Variants in SPATA13 observed in about 807,000 individuals in gnomAD.
SPATA13 encodes the protein spermatogenesis associated 13, also known as spermatogenesis-associated protein 13.
Under a neutral mutation model 104.0 loss-of-function variants are expected in SPATA13, and 50 were observed. The observed-to-expected ratio is 0.48, with a 90% CI of 0.38 to 0.61. The LOEUF is 0.61. Ranked by LOEUF, SPATA13 falls within the 20% of genes least tolerant of loss-of-function variation. SPATA13 has a pLI of 0.00. For missense variants in SPATA13, 1,524 were observed against 1,690.6 expected, an observed-to-expected ratio of 0.90 and a Z score of 1.73; for synonymous variants, 606 against 667.5, an observed-to-expected ratio of 0.91 and a Z score of 1.42.
At chr13:24,265,624 T>C (rs1173508337) in intron 4 of SPATA13, among the ~76,000 whole-genome samples, 2 of 152,126 alleles carry the variant, frequency 1.3e-5, no homozygotes, top group African/African-American at 4.8e-5. Context: ...GAGTTGGGAT[T>C]ATGGGTCATT....
At chr13:24,123,016 C>G (rs1881090030) in intron 3 of SPATA13, 3 of 897,414 alleles carry the variant, frequency 3.3e-6, no homozygotes, top group Non-Finnish European at 5.7e-6. Flanking sequence ...TCATCTGGCC[C>G]CATCTGGATT....
At chr13:24,075,265 C>T (rs921976053) in intron 3 of SPATA13, among the ~76,000 whole-genome samples, 1 of 152,144 alleles carries the variant, frequency 6.6e-6, no homozygotes, top group Non-Finnish European at 1.5e-5. Context: ...ACTAAAATAT[C>T]AGTTCTATGA....
chr13:24,212,673 T>TA (rs1239747348), intron 1 of SPATA13, among the ~76,000 whole-genome samples: 2 of 152,186 alleles, frequency 1.3e-5, no homozygotes, highest in African/African-American at 2.4e-5. Flanking sequence ...CATTGATTTT[T>TA]AAATTAAGTT....
chr13:24,066,525 C>T (rs1177472943), intron 3 of SPATA13, among the ~76,000 whole-genome samples: 1 of 152,168 alleles, frequency 6.6e-6, no homozygotes, highest in Non-Finnish European at 1.5e-5. Flanking sequence ...CACCCTGGGA[C>T]AAACCTGTCT....
intron 1 of SPATA13, among the ~76,000 whole-genome samples, chr13:24,200,077 A>G (rs903278434): frequency 2.6e-5 from 4 of 152,202 alleles, no homozygotes; most frequent in Admixed American, 6.5e-5. Context: ...TCAACAAATG[A>G]GAGCTATTAT....
intron 4 of SPATA13, among the ~76,000 whole-genome samples, chr13:24,256,728 G>A (rs1229648198): frequency 2.6e-5 from 4 of 152,224 alleles, no homozygotes; most frequent in Non-Finnish European, 1.5e-5. Flanking sequence ...CACAGCCTGC[G>A]AAGGCAGGTC....
At position 23,998,812 on chromosome 13, in the gene SPATA13, A is replaced by G. The variant is rs1875813393; in HGVS notation, c.-147+14879A>G. Among the ~76,000 whole-genome samples the G allele has an allele frequency of 1.3e-5, 2 of 152,206 alleles. 1 individual carries two copies. The highest frequency in any genetic ancestry group is 4.1e-4 in the South Asian group (2 of 4,834). The stretch of plus-strand genomic sequence containing the variant: ...CACATGAACATCCATCTGTTCCAGC[A>G]TCATTTGGTGAAAAAATGATTCTTG... On this transcript the variant is annotated intron_variant, in intron 2 of 14. Transcript: ENST00000424834.
intron 3 of SPATA13, among the ~76,000 whole-genome samples, chr13:24,139,960 C>T (rs545537291): frequency 3.3e-5 from 5 of 151,126 alleles, no homozygotes; most frequent in South Asian, 4.2e-4. Flanking sequence ...CCCAGCTACT[C>T]GGGAGGCTGA....
intron 3 of SPATA13, among the ~76,000 whole-genome samples, chr13:24,152,051 C>T (rs1195741604): frequency 2.0e-5 from 3 of 152,184 alleles, no homozygotes; most frequent in South Asian, 4.1e-4. Context: ...GAGTGTGATA[C>T]GTGAACACAC....
chr13:24,126,241 C>T (rs1046734394), intron 3 of SPATA13, among the ~76,000 whole-genome samples: 2 of 152,126 alleles, frequency 1.3e-5, no homozygotes, highest in Non-Finnish European at 2.9e-5. Context: ...CGGCTGTGAC[C>T]CATGATTGAG....
At chr13:24,108,204 C>T (rs1218341105) in intron 3 of SPATA13, among the ~76,000 whole-genome samples, 1 of 152,228 alleles carries the variant, frequency 6.6e-6, no homozygotes, top group African/African-American at 2.4e-5. Flanking sequence ...GCTCCACCCT[C>T]GTGATTTAAT....
intron 3 of SPATA13, among the ~76,000 whole-genome samples, chr13:24,095,508 A>G (rs1880044174): frequency 6.6e-6 from 1 of 152,236 alleles, no homozygotes; most frequent in Admixed American, 6.5e-5. Context: ...TGCTGGTTAC[A>G]TGAAAGTGGG....
intron 3 of SPATA13, among the ~76,000 whole-genome samples, chr13:24,110,820 A>G (rs1243914024): frequency 6.6e-6 from 1 of 152,240 alleles, no homozygotes; most frequent in Non-Finnish European, 1.5e-5. Context: ...CCAACTTGAG[A>G]TAAGGAAGTT....
At chr13:24,258,175 CA>C (rs1207147692) in intron 4 of SPATA13, among the ~76,000 whole-genome samples, 1 of 151,066 alleles carries the variant, frequency 6.6e-6, no homozygotes, top group Admixed American at 6.6e-5. Context: ...ATAGAGGTTG[CA>C]GTGAGCCTAC....
chr13:24,248,107 G>T, intron 2 of SPATA13, among the ~76,000 whole-genome samples: 1 of 152,314 alleles, frequency 6.6e-6, no homozygotes, highest in East Asian at 1.9e-4. Context: ...ATGCAGGCAG[G>T]GCTTACAGGC....
chr13:24,120,790 G>C (rs1881008249), intron 3 of SPATA13, among the ~76,000 whole-genome samples: 1 of 152,218 alleles, frequency 6.6e-6, no homozygotes, highest in African/African-American at 2.4e-5. Context: ...GCTGCCAGGT[G>C]TTTTCATTGC....
intron 4 of SPATA13, among the ~76,000 whole-genome samples, chr13:24,269,741 ATTTTTTTT>A (rs71070673): frequency 1.3e-5 from 1 of 75,912 alleles, no homozygotes; most frequent in African/African-American, 5.8e-5. Flanking sequence ...GCTAATATAA[ATTTTTTTT>A]TTTTTTTTTT....
chr13:24,007,302 G>C (rs973926967), intron 2 of SPATA13, among the ~76,000 whole-genome samples: 1 of 152,206 alleles, frequency 6.6e-6, no homozygotes. Flanking sequence ...TTGCATCTTT[G>C]AGGGGTGAGG....
At chr13:24,067,301 A>G (rs1405578486) in intron 3 of SPATA13, among the ~76,000 whole-genome samples, 2 of 151,096 alleles carry the variant, frequency 1.3e-5, no homozygotes, top group Non-Finnish European at 2.9e-5. Flanking sequence ...TACTAATCCC[A>G]TGTCCCTGCC....
Sources: allele counts gnomAD v4.1 joint callset (sites outside exome capture counted in the v4.1 genomes callset), GRCh38; gene constraint gnomAD v4.1.1; transcripts MANE v1.5; gene names NCBI Gene and HGNC (gene_info 2026-07-23, HGNC 2026-07-21).